The following BRAF variants were observed in gnomAD, a reference collection of about 807,000 sequenced individuals.
BRAF encodes the protein B-Raf proto-oncogene, serine/threonine kinase, also known as serine/threonine-protein kinase B-raf.
BRAF carries 16 observed loss-of-function variants against 104.6 expected under a neutral mutation model. The ratio of observed to expected loss-of-function variants is 0.15; its 90% CI spans 0.10 to 0.23. The LOEUF (loss-of-function observed/expected upper bound fraction) is 0.23. BRAF is among the 10% of genes least tolerant of loss of function. The probability of loss-of-function intolerance (pLI) is 1.00; values close to 1 mark genes in which losing one functional copy is unlikely to be tolerated. For synonymous variants in BRAF, 310 were observed against 341.6 expected (o/e 0.91, Z 1.02); for missense variants, 541 against 937.3 (o/e 0.58, Z 5.52).
At chr7:140,854,007 C>T (rs1809494203) in intron 1 of BRAF, among the ~76,000 whole-genome samples, 1 of 152,066 alleles carries the variant, frequency 6.6e-6, no homozygotes, top group South Asian at 2.1e-4. Flanking sequence ...AACAGGGTCT[C>T]CGTCTCCCAG....
intron 1 of BRAF, among the ~76,000 whole-genome samples, chr7:140,898,938 A>C (rs1018140361): frequency 1.3e-5 from 2 of 152,166 alleles, no homozygotes; most frequent in Non-Finnish European, 2.9e-5. Context: ...ATACATATTG[A>C]TGCAGGCAGG....
At chr7:140,764,108 T>C (rs1799064470) in intron 14 of BRAF, among the ~76,000 whole-genome samples, 1 of 152,170 alleles carries the variant, frequency 6.6e-6, no homozygotes, top group Non-Finnish European at 1.5e-5. Flanking sequence ...CATGATCAAG[T>C]GGGCTTCATC....
intron 7 of BRAF, among the ~76,000 whole-genome samples, chr7:140,796,243 C>T (rs1028056781): frequency 2.6e-5 from 4 of 151,588 alleles, no homozygotes; most frequent in South Asian, 2.1e-4. Flanking sequence ...CCCAGCTACT[C>T]AGGGGGCTGA....
intron 1 of BRAF, among the ~76,000 whole-genome samples, chr7:140,901,854 A>T (rs1375162406): frequency 6.6e-6 from 1 of 152,154 alleles, no homozygotes; most frequent in African/African-American, 2.4e-5. Context: ...CACTGTCCTT[A>T]ATTCTTTATT....
chr7:140,883,944 G>C (rs1473765825), intron 1 of BRAF: 1 of 152,250 alleles, frequency 6.6e-6, no homozygotes, highest in African/African-American at 2.4e-5. Context: ...CATACCAAGA[G>C]GAATTTGAAT....
intron 19 of BRAF, chr7:140,733,414 C>T (rs1796134688): frequency 6.6e-6 from 1 of 152,116 alleles, no homozygotes; most frequent in Non-Finnish European, 1.5e-5. Context: ...GCAGAGATGG[C>T]CAAATCTTTG....
intron 5 of BRAF, among the ~76,000 whole-genome samples, chr7:140,802,632 T>TTTAAAAAGTTTAAAAAGAAAAGTTAAA (rs1803249608): frequency 6.6e-6 from 1 of 151,918 alleles, no homozygotes; most frequent in African/African-American, 2.4e-5. Context: ...GTTTAAAAAG[T>TTTAAAAAGTTTAAAAAGAAAAGTTAAA]AAAAAAGAAA....
chr7:140,863,733 C>T (rs772563082), intron 1 of BRAF, among the ~76,000 whole-genome samples: 2 of 152,112 alleles, frequency 1.3e-5, no homozygotes, highest in African/African-American at 2.4e-5. Context: ...GTGTGTAGCA[C>T]CTCCCCCTAC....
At position 140,924,287 on chromosome 7, in the gene BRAF, G is replaced by GC. The variant is rs1818601537; in HGVS notation, c.138+278dup. Among the ~76,000 whole-genome samples, 1 of 151,856 alleles carries GC rather than the reference G, an allele frequency of 6.6e-6. No individual in the cohort carries two copies. On this transcript the variant is annotated intron_variant, in intron 1 of 19. Coordinates refer to ENST00000644969, the MANE Select transcript of BRAF (RefSeq NM_001374258.1). The surrounding 1 kb of genome is among the most constrained non-coding windows in gnomAD (Gnocchi z 4.2). ...CCTTCTCGGACCAACCCTGAGTTTCGCCCCCTATTGATAGCCTCCCGCTCA... is the reference window on the plus strand; with the variant it reads ...CCTTCTCGGACCAACCCTGAGTTTCGCCCCCCTATTGATAGCCTCCCGCTCA...
intron 10 of BRAF, among the ~76,000 whole-genome samples, chr7:140,785,261 T>C (rs1193966570): frequency 6.6e-6 from 1 of 152,096 alleles, no homozygotes; most frequent in Non-Finnish European, 1.5e-5. Context: ...GAAGTTTCCA[T>C]TGACACTTTA....
chr7:140,832,904 C>T (rs1586332809), intron 3 of BRAF, among the ~76,000 whole-genome samples: 2 of 146,848 alleles, frequency 1.4e-5, no homozygotes, highest in African/African-American at 5.0e-5. Flanking sequence ...GATGGAGTCT[C>T]GCTCTGTTGC....
At chr7:140,919,822 G>GTT (rs796957025) in intron 1 of BRAF, among the ~76,000 whole-genome samples, 3 of 121,094 alleles carry the variant, frequency 2.5e-5, no homozygotes, top group African/African-American at 7.5e-5. Flanking sequence ...CTACAAGCAA[G>GTT]TTTTTTTGTT....
downstream of BRAF, among the ~76,000 whole-genome samples, chr7:140,716,364 G>C (rs1795130126): frequency 6.6e-6 from 1 of 152,188 alleles, no homozygotes; most frequent in Non-Finnish European, 1.5e-5. Context: ...AAGGTTAAAT[G>C]AGTTAGTTAG....
At chr7:140,739,465 AAT>A (rs1488309308) in intron 18 of BRAF, among the ~76,000 whole-genome samples, 4 of 151,202 alleles carry the variant, frequency 2.6e-5, no homozygotes, top group African/African-American at 7.2e-5. Context: ...TATTTTAAAA[AAT>A]AGTTTTAATT....
At chr7:140,850,919 A>T (rs1007976014) in intron 1 of BRAF, among the ~76,000 whole-genome samples, 2 of 152,216 alleles carry the variant, frequency 1.3e-5, no homozygotes, top group African/African-American at 4.8e-5. Flanking sequence ...TTATAAAAGA[A>T]AGGCAAAGTT....
chr7:140,734,922 T>C, intron 18 of BRAF, 152 bp from the exon 18 acceptor site: 1 of 838,170 alleles, frequency 1.2e-6, no homozygotes. Flanking sequence ...ACCTGAAATC[T>C]TACATTGTTT....
chr7:140,874,139 C>T (rs924342626), intron 1 of BRAF, among the ~76,000 whole-genome samples: 5 of 151,092 alleles, frequency 3.3e-5, no homozygotes, highest in Admixed American at 1.3e-4. Flanking sequence ...TAGCAGTAGA[C>T]GATTGGGATA....
chr7:140,821,111 T>A (rs1013977117), intron 3 of BRAF, among the ~76,000 whole-genome samples: 10 of 151,448 alleles, frequency 6.6e-5, no homozygotes, highest in African/African-American at 2.4e-4. Context: ...CCCGCCTCAG[T>A]CTCCCAAGTA....
At chr7:140,776,852 T>C (rs775147056) in intron 14 of BRAF, 60 bp downstream of exon 13, 1 of 1,539,130 alleles carries the variant, frequency 6.5e-7, no homozygotes, top group Non-Finnish European at 9.0e-7. Flanking sequence ...CCAAAACCTT[T>C]AAAACATCCT....
Sources: allele counts gnomAD v4.1 joint callset (sites outside exome capture counted in the v4.1 genomes callset), GRCh38; gene constraint gnomAD v4.1.1; non-coding constraint Gnocchi (gnomAD v3.1); transcripts MANE v1.5; gene names NCBI Gene and HGNC (gene_info 2026-07-23, HGNC 2026-07-21).